The following SYT16 variants were observed in gnomAD, a reference collection of about 807,000 sequenced individuals.
The protein encoded by SYT16 is synaptotagmin-16.
Under a neutral mutation model 61.4 loss-of-function variants are expected in SYT16, and 42 were observed. The ratio of observed to expected loss-of-function variants is 0.68; its 90% CI spans 0.53 to 0.89. SYT16 has a LOEUF of 0.89. Among genes scored for constraint, SYT16 ranks in the 40% least tolerant of loss-of-function variants. SYT16 has a pLI of 0.00. For synonymous variants in SYT16, 314 were observed against 302.3 expected, an observed-to-expected ratio of 1.04 and a Z score of -0.40; for missense variants, 804 against 807.3, an observed-to-expected ratio of 1.00 and a Z score of 0.05.
chr14:61,902,625 A>G (rs2048562683), intron 1 of SYT16, among the ~76,000 whole-genome samples: 1 of 152,208 alleles, frequency 6.6e-6, no homozygotes. Context: ...TTCCTCTGAA[A>G]CTTGGCTTTT....
intron 1 of SYT16, among the ~76,000 whole-genome samples, chr14:61,826,734 T>C (rs530376173): frequency 6.6e-6 from 1 of 152,092 alleles, no homozygotes; most frequent in South Asian, 2.1e-4. Context: ...CAGCTGGGAC[T>C]CTCATAACAA....
intron 1 of SYT16, among the ~76,000 whole-genome samples, chr14:61,889,595 T>G (rs1219543287): frequency 1.3e-5 from 2 of 151,884 alleles, no homozygotes; most frequent in Non-Finnish European, 2.9e-5. Flanking sequence ...GCTCCCTCTC[T>G]CTCTCTCTCT....
chr14:61,996,593 A>G (rs62639692), intron 3 of SYT16, 51 bp downstream of exon 3: 102,659 of 1,522,150 alleles, frequency 0.067, 3,752 homozygotes, highest in Middle Eastern at 0.075. Context: ...GAGCATTTCT[A>G]CTTATTTTAT....
chr14:62,024,544 C>T lies in SYT16; in HGVS notation c.523+28002C>T, dbSNP rs148212487. 1.5e-3 allele frequency among the ~76,000 whole-genome samples: 228 copies of T among 152,150 alleles called. 1 individual carries two copies. Among genetic ancestry groups the T allele is most frequent in the African/African-American group, 5.2e-3 (214 of 41,538 alleles). On this transcript the variant is annotated intron_variant, in intron 3 of 7. Transcript: ENST00000683842. ...GATCGGAAAGTGCATAGTTCCCATACACCCTGTGTTCTCCATTTTCCCCCC... is the reference window on the plus strand; with the variant it reads ...GATCGGAAAGTGCATAGTTCCCATATACCCTGTGTTCTCCATTTTCCCCCC...
At chr14:62,092,607 T>G (rs1161786137) in intron 7 of SYT16, among the ~76,000 whole-genome samples, 4 of 151,600 alleles carry the variant, frequency 2.6e-5, no homozygotes, top group African/African-American at 9.7e-5. Flanking sequence ...GACATTATGT[T>G]AAATGAAATA....
chr14:62,003,916 A>C (rs1262792843), intron 3 of SYT16, among the ~76,000 whole-genome samples: 1 of 152,182 alleles, frequency 6.6e-6, no homozygotes, highest in Non-Finnish European at 1.5e-5. Flanking sequence ...TAAGTGAATG[A>C]AAGGAGAAAG....
At chr14:62,049,257 T>C (rs1429809717) in intron 3 of SYT16, among the ~76,000 whole-genome samples, 2 of 152,208 alleles carry the variant, frequency 1.3e-5, no homozygotes, top group East Asian at 1.9e-4. Context: ...TTTTGATCTT[T>C]GTTGGTTTAA....
intron 1 of SYT16, among the ~76,000 whole-genome samples, chr14:61,930,429 C>T (rs2049718101): frequency 6.6e-6 from 1 of 152,016 alleles, no homozygotes; most frequent in Admixed American, 6.6e-5. Flanking sequence ...CTGCAAGTCA[C>T]TTTCCATATC....
intron 3 of SYT16, among the ~76,000 whole-genome samples, chr14:62,064,429 T>A (rs1045731405): frequency 6.6e-6 from 1 of 151,742 alleles, no homozygotes; most frequent in Non-Finnish European, 1.5e-5. Flanking sequence ...GACTTTAGAT[T>A]GGTGCTTGTT....
At chr14:62,001,750 C>G (rs796113463) in intron 3 of SYT16, among the ~76,000 whole-genome samples, 20 of 152,176 alleles carry the variant, frequency 1.3e-4, no homozygotes, top group African/African-American at 4.6e-4. Context: ...TATCCCACAG[C>G]TCTCAGATAT....
At chr14:61,897,743 A>G (rs1201140759) in intron 1 of SYT16, among the ~76,000 whole-genome samples, 3 of 152,094 alleles carry the variant, frequency 2.0e-5, no homozygotes, top group Non-Finnish European at 4.4e-5. Context: ...GGCAAGCAGA[A>G]GCCATCTGGG....
At chr14:62,087,933 C>T (rs1206439680) in intron 7 of SYT16, among the ~76,000 whole-genome samples, 1 of 152,144 alleles carries the variant, frequency 6.6e-6, no homozygotes, top group African/African-American at 2.4e-5. Context: ...CAACCAGAGC[C>T]TCCACTGCAC....
intron 2 of SYT16, among the ~76,000 whole-genome samples, chr14:61,990,674 C>T (rs1321001938): frequency 6.6e-6 from 1 of 152,142 alleles, no homozygotes; most frequent in Non-Finnish European, 1.5e-5. Context: ...TAAAGCACAG[C>T]TTCTAGAATC....
At chr14:62,086,776 TG>T (rs1309089649) in intron 7 of SYT16, among the ~76,000 whole-genome samples, 1 of 152,272 alleles carries the variant, frequency 6.6e-6, no homozygotes, top group Non-Finnish European at 1.5e-5. Context: ...TAAGTCTATT[TG>T]GCATTTAGTA....
chr14:62,034,703 G>A (rs539617762), intron 3 of SYT16, among the ~76,000 whole-genome samples: 9 of 152,040 alleles, frequency 5.9e-5, no homozygotes, highest in Non-Finnish European at 1.3e-4. Flanking sequence ...GGGGATGGGG[G>A]GATTCCAGGG....
chr14:62,072,741 C>T (rs2056344311), intron 4 of SYT16, among the ~76,000 whole-genome samples: 1 of 152,164 alleles, frequency 6.6e-6, no homozygotes, highest in South Asian at 2.1e-4. Context: ...ACGCATAAAA[C>T]TTGCCATCAC....
intron 3 of SYT16, among the ~76,000 whole-genome samples, chr14:62,037,985 A>C (rs1023150765): frequency 6.6e-6 from 1 of 152,186 alleles, no homozygotes; most frequent in East Asian, 1.9e-4. Context: ...TGAGCCTGGC[A>C]TGTCATAGAG....
At chr14:61,817,180 G>A (rs2045468477) in intron 1 of SYT16, among the ~76,000 whole-genome samples, 1 of 151,948 alleles carries the variant, frequency 6.6e-6, no homozygotes, top group Non-Finnish European at 1.5e-5. Context: ...ACTTTGGGAG[G>A]CCGAGGCGGG....
intron 7 of SYT16, among the ~76,000 whole-genome samples, chr14:62,088,414 T>C (rs1018643230): frequency 6.6e-6 from 1 of 152,094 alleles, no homozygotes; most frequent in African/African-American, 2.4e-5. Context: ...AAAGGAGTGG[T>C]GGTGTCAGGA....
Sources: gnomAD v4.1 joint callset for allele counts (sites outside exome capture counted in the v4.1 genomes callset) on GRCh38, gnomAD v4.1.1 for gene constraint, MANE v1.5 for transcripts, NCBI Gene and HGNC (gene_info 2026-07-23, HGNC 2026-07-21) for gene names.